The following GABBR2 variants were observed in gnomAD, a reference collection of about 807,000 sequenced individuals.
GABBR2 encodes the protein gamma-aminobutyric acid type B receptor subunit 2.
In GABBR2, 23 loss-of-function variants were observed where a neutral mutation model predicts 105.6. The ratio of observed to expected loss-of-function variants is 0.22; its 90% CI spans 0.16 to 0.31. GABBR2 has a LOEUF of 0.31. Ranked by LOEUF, GABBR2 falls within the 10% of genes least tolerant of loss-of-function variation. GABBR2 has a pLI of 1.00. For synonymous variants in GABBR2, 478 were observed against 499.7 expected (o/e 0.96, Z 0.58); for missense variants, 734 against 1,245.5 (o/e 0.59, Z 6.18).
intron 9 of GABBR2, among the ~76,000 whole-genome samples, chr9:98,392,048 T>C (rs938997369): frequency 3.3e-5 from 5 of 152,058 alleles, no homozygotes; most frequent in Non-Finnish European, 7.4e-5. Flanking sequence ...GGCTCTGTGT[T>C]CAGAGGCTGA....
At chr9:98,683,747 C>A (rs1392788777) in intron 1 of GABBR2, among the ~76,000 whole-genome samples, 1 of 151,820 alleles carries the variant, frequency 6.6e-6, no homozygotes, top group Non-Finnish European at 1.5e-5. Context: ...CGGTGGCTCA[C>A]GCCTGTAATC....
intron 2 of GABBR2, among the ~76,000 whole-genome samples, chr9:98,564,230 G>T (rs899308086): frequency 1.3e-5 from 2 of 152,172 alleles, no homozygotes; most frequent in East Asian, 3.9e-4. Context: ...GCAGAGACCC[G>T]GAGTCTGGAG....
intron 7 of GABBR2, among the ~76,000 whole-genome samples, chr9:98,431,683 G>GT (rs948757906): frequency 1.2e-3 from 173 of 149,804 alleles, no homozygotes; most frequent in South Asian, 8.2e-3. Flanking sequence ...GGTTTTGTCT[G>GT]TTTTTTTTTG....
At chr9:98,664,945 G>A (rs917051614) in intron 1 of GABBR2, among the ~76,000 whole-genome samples, 14 of 151,606 alleles carry the variant, frequency 9.2e-5, no homozygotes, top group African/African-American at 3.4e-4. Flanking sequence ...GGGCAACATA[G>A]TGAGACCCCC....
At chr9:98,437,718 C>G (rs1825951985) in intron 7 of GABBR2, among the ~76,000 whole-genome samples, 1 of 151,416 alleles carries the variant, frequency 6.6e-6, no homozygotes, top group South Asian at 2.1e-4. Flanking sequence ...ATCCACCCAC[C>G]CATCCACCCA....
At chr9:98,519,372 G>C (rs572443965) in intron 3 of GABBR2, among the ~76,000 whole-genome samples, 241 of 152,338 alleles carry the variant, frequency 1.6e-3, no homozygotes, top group African/African-American at 5.1e-3. Flanking sequence ...GAAGAGCAAG[G>C]GTTCTTAGGC....
intron 1 of GABBR2, among the ~76,000 whole-genome samples, chr9:98,659,752 C>T (rs1830233418): frequency 6.6e-6 from 1 of 151,924 alleles, no homozygotes; most frequent in African/African-American, 2.4e-5. Flanking sequence ...AACTCCTGAC[C>T]TCAAGTGATC....
At chr9:98,478,412 C>T (rs184121560) in intron 5 of GABBR2, among the ~76,000 whole-genome samples, 1 of 152,112 alleles carries the variant, frequency 6.6e-6, no homozygotes, top group East Asian at 1.9e-4. Flanking sequence ...CAGACAAGAC[C>T]ATAAGTCCTT....
At chr9:98,402,738 C>A (rs1419522639) in intron 8 of GABBR2, among the ~76,000 whole-genome samples, 1 of 152,106 alleles carries the variant, frequency 6.6e-6, no homozygotes, top group Non-Finnish European at 1.5e-5. Context: ...GGAAAGGATG[C>A]TGGGGTATTT....
At chr9:98,671,262 T>C (rs1830403694) in intron 1 of GABBR2, among the ~76,000 whole-genome samples, 3 of 152,222 alleles carry the variant, frequency 2.0e-5, no homozygotes, top group South Asian at 2.1e-4. Flanking sequence ...CAGGATCTTA[T>C]GTGACTGGCT....
intron 16 of GABBR2, among the ~76,000 whole-genome samples, 167 bp downstream of exon 16, chr9:98,303,074 C>T (rs1043943514): frequency 1.3e-5 from 2 of 152,190 alleles, no homozygotes; most frequent in African/African-American, 4.8e-5. Context: ...TGACAAATGC[C>T]TCTGTGTGGT....
intron 5 of GABBR2, among the ~76,000 whole-genome samples, chr9:98,480,576 C>G (rs1458653946): frequency 6.6e-6 from 1 of 152,208 alleles, no homozygotes; most frequent in Non-Finnish European, 1.5e-5. Context: ...TAATTTGTCC[C>G]TAACCTAAGA....
chr9:98,691,435 G>C (rs1241036418), intron 1 of GABBR2, among the ~76,000 whole-genome samples: 1 of 152,184 alleles, frequency 6.6e-6, no homozygotes, highest in Non-Finnish European at 1.5e-5. Flanking sequence ...CTGTGTCCTA[G>C]TCTTTGCAAT....
chr9:98,624,383 C>G (rs1480155938), intron 1 of GABBR2, among the ~76,000 whole-genome samples: 2 of 152,132 alleles, frequency 1.3e-5, no homozygotes, highest in Non-Finnish European at 2.9e-5. Flanking sequence ...CATTGGGATG[C>G]TGGCATCTCA....
chr9:98,645,562 T>C (rs1830019261), intron 1 of GABBR2, among the ~76,000 whole-genome samples: 1 of 152,202 alleles, frequency 6.6e-6, no homozygotes, highest in Admixed American at 6.5e-5. Context: ...AATTCACCAG[T>C]GCTCAGAAAA....
chr9:98,629,686 T>G (rs908518127), intron 1 of GABBR2, among the ~76,000 whole-genome samples: 3 of 152,204 alleles, frequency 2.0e-5, no homozygotes, highest in African/African-American at 7.2e-5. Flanking sequence ...CCAAACCAAT[T>G]GGCTCACCCC....
At chr9:98,632,144 T>C (rs1829823267) in intron 1 of GABBR2, among the ~76,000 whole-genome samples, 1 of 152,174 alleles carries the variant, frequency 6.6e-6, no homozygotes, top group Non-Finnish European at 1.5e-5. Flanking sequence ...CTGGGTATCA[T>C]TTATCCTTGT....
At chr9:98,435,818 C>A (rs902861973) in intron 7 of GABBR2, among the ~76,000 whole-genome samples, 2 of 152,186 alleles carry the variant, frequency 1.3e-5, no homozygotes, top group African/African-American at 2.4e-5. Flanking sequence ...CTCAGGGAAG[C>A]CTTTACTGAT....
intron 4 of GABBR2, among the ~76,000 whole-genome samples, chr9:98,490,996 CT>C (rs200970691): frequency 0.047 from 6,799 of 144,042 alleles, 476 homozygotes; most frequent in African/African-American, 0.16. Context: ...GTGCTCTTGC[CT>C]TTTTTTTTTT....
Sources: allele counts gnomAD v4.1 joint callset (sites outside exome capture counted in the v4.1 genomes callset), GRCh38; gene constraint gnomAD v4.1.1; transcripts MANE v1.5; gene names NCBI Gene and HGNC (gene_info 2026-07-23, HGNC 2026-07-21).